Variants in ANKRD17 observed in about 807,000 individuals in gnomAD.
ANKRD17 encodes the protein ankyrin repeat domain 17, also known as ankyrin repeat domain-containing protein 17.
In ANKRD17, 19 loss-of-function variants were observed where a neutral mutation model predicts 229.7. The observed-to-expected ratio is 0.08, with a 90% CI of 0.06 to 0.12. ANKRD17 has a LOEUF of 0.12. ANKRD17 is among the 10% of genes least tolerant of loss of function. The probability of loss-of-function intolerance (pLI) is 1.00; values close to 1 mark genes in which losing one functional copy is unlikely to be tolerated. For missense variants in ANKRD17, 2,176 were observed against 3,176.8 expected (o/e 0.68, Z 7.57); for synonymous variants, 1,112 against 1,146.1 (o/e 0.97, Z 0.60).
chr4:73,090,245 A>T (rs1244030318), intron 29 of ANKRD17, among the ~76,000 whole-genome samples: 1 of 152,102 alleles, frequency 6.6e-6, no homozygotes, highest in East Asian at 1.9e-4. Flanking sequence ...CCCCATCTCT[A>T]CTAAAAATAC....
chr4:73,189,035 C>G (rs1361572166), intron 1 of ANKRD17, among the ~76,000 whole-genome samples: 1 of 152,112 alleles, frequency 6.6e-6, no homozygotes, highest in African/African-American at 2.4e-5. Flanking sequence ...AAATCTAACC[C>G]TTCAAAACGG....
intron 1 of ANKRD17, among the ~76,000 whole-genome samples, chr4:73,226,850 G>A (rs981712233): frequency 7.2e-5 from 11 of 152,092 alleles, no homozygotes; most frequent in African/African-American, 2.7e-4. Flanking sequence ...CAGTAGCTGG[G>A]ACTACAGGCA....
chr4:73,130,245 T>C lies in ANKRD17; in HGVS notation c.3234+4872A>G, dbSNP rs569948262. Among the ~76,000 whole-genome samples, 10 of 152,212 alleles carry C rather than the reference T, an allele frequency of 6.6e-5. No homozygotes were observed. In the South Asian group the frequency reaches 1.9e-3, roughly 28 times the overall value. On this transcript the variant is annotated intron_variant, in intron 16 of 33. Coordinates refer to ENST00000358602, the MANE Select transcript of ANKRD17 (RefSeq NM_032217.5). ...CAAGGTATTCAATAAATGAGAATAATCAGTAAAATAAATAACCTATTAAAA... is the reference window on the plus strand; with the variant it reads ...CAAGGTATTCAATAAATGAGAATAACCAGTAAAATAAATAACCTATTAAAA...
At chr4:73,132,691 T>C (rs1728377229) in intron 16 of ANKRD17, among the ~76,000 whole-genome samples, 1 of 152,156 alleles carries the variant, frequency 6.6e-6, no homozygotes, top group Non-Finnish European at 1.5e-5. Flanking sequence ...TTAAAAATAA[T>C]TTTAATTAAA....
chr4:73,239,277 C>T (rs1206522292), intron 1 of ANKRD17, among the ~76,000 whole-genome samples: 2 of 152,118 alleles, frequency 1.3e-5, no homozygotes, highest in Non-Finnish European at 2.9e-5. Context: ...AATAGATTCC[C>T]ATACCTTTGG....
At chr4:73,168,043 A>T (rs2148947138) in intron 2 of ANKRD17, among the ~76,000 whole-genome samples, 1 of 152,184 alleles carries the variant, frequency 6.6e-6, no homozygotes, top group Non-Finnish European at 1.5e-5. Context: ...TCCCAGCTAC[A>T]GCAGGAGGCT....
intron 26 of ANKRD17, among the ~76,000 whole-genome samples, chr4:73,097,653 G>C (rs971424181): frequency 7.2e-5 from 11 of 151,954 alleles, no homozygotes; most frequent in African/African-American, 2.7e-4. Flanking sequence ...TGTCCAGGCT[G>C]GTGTTGAACT....
intron 1 of ANKRD17, among the ~76,000 whole-genome samples, chr4:73,180,197 A>G (rs1735363257): frequency 6.6e-6 from 1 of 152,148 alleles, no homozygotes; most frequent in Admixed American, 6.5e-5. Flanking sequence ...TGTTCAAAGG[A>G]GACACTGCAT....
chr4:73,097,149 C>T lies in ANKRD17; in HGVS notation c.5145G>A (p.Lys1715=). 6.2e-7 allele frequency: 1 copy of T among 1,608,826 alleles called. No individual in the cohort carries two copies. Among genetic ancestry groups the T allele is most frequent in the South Asian group, 1.1e-5 (1 of 89,492 alleles). Residue 1715 remains lysine (K), a synonymous_variant, in exon 27 of 34, where the codon AAG becomes AAA. Transcript: ENST00000358602. The part of the protein sequence containing the change: ...LTVASPKRGQ[K]REEGWKEVVR... Reference sequence around the variant, plus strand: ...CAACTTCTTTCCATCCTTCTTCCCTCTTTTGCCCACGCTTAGGACTTGCTA... The same window carrying T: ...CAACTTCTTTCCATCCTTCTTCCCTTTTTTGCCCACGCTTAGGACTTGCTA...
chr4:73,181,415 C>T (rs903875828), intron 1 of ANKRD17, among the ~76,000 whole-genome samples: 8 of 152,028 alleles, frequency 5.3e-5, no homozygotes, highest in East Asian at 3.9e-4. Context: ...AAAAGTTCAG[C>T]GAGGAAAAAG....
chr4:73,177,637 ACATAATTAACAAT>A (rs1734912023), intron 1 of ANKRD17, 104 bp from the exon 2 acceptor site: 1 of 819,082 alleles, frequency 1.2e-6, no homozygotes, highest in Non-Finnish European at 1.9e-6. Context: ...AAATATGTTA[ACATAATTAACAAT>A]GGTAAACACA....
intron 1 of ANKRD17, among the ~76,000 whole-genome samples, chr4:73,219,239 G>A (rs181655028): frequency 7.3e-4 from 111 of 152,206 alleles, no homozygotes; most frequent in Non-Finnish European, 3.1e-4. Flanking sequence ...AGTGAAAAAT[G>A]TCACCATGGT....
chr4:73,099,016 A>T (rs1723628192), intron 25 of ANKRD17: 2 of 992,854 alleles, frequency 2.0e-6, no homozygotes, highest in Admixed American at 3.6e-5. Context: ...AGGGAAGCAA[A>T]AACAAGGGAG....
chr4:73,090,740 A>G lies in ANKRD17; in HGVS notation c.6888T>C (p.Pro2296=), dbSNP rs201399763. 7 of 1,614,214 alleles carry G rather than the reference A, an allele frequency of 4.3e-6. No individual in the cohort carries two copies. The highest frequency in any genetic ancestry group is 5.1e-6 in the Non-Finnish European group (6 of 1,180,030). The part of the protein sequence containing the change: ...GKSSYLPNSD[P]LHQSDTSKAP... ...CTTTGGAAGTATCAGACTGATGTAA[A>G]GGATCTGAATTTGGCAAATATGAGG... Residue 2296 remains proline (P), a synonymous_variant, in exon 29 of 34, where the codon CCT becomes CCC. Transcript: ENST00000358602.
chr4:73,083,507 C>A (rs1721779077), intron 30 of ANKRD17, among the ~76,000 whole-genome samples: 1 of 152,168 alleles, frequency 6.6e-6, no homozygotes, highest in South Asian at 2.1e-4. Flanking sequence ...ATTCCTTGAA[C>A]TATTCTTTAA....
At chr4:73,178,851 T>C (rs1166271997) in intron 1 of ANKRD17, among the ~76,000 whole-genome samples, 1 of 152,156 alleles carries the variant, frequency 6.6e-6, no homozygotes, top group Non-Finnish European at 1.5e-5. Flanking sequence ...CTAAAACATA[T>C]TCTTTTCTGC....
chr4:73,258,619 TCTC>T lies in ANKRD17; in HGVS notation c.47_49del (p.Gly16del), dbSNP rs1560800172. The T allele has an allele frequency of 8.1e-6, 12 of 1,482,616 alleles. No homozygotes were observed. The highest frequency in any genetic ancestry group is 2.4e-5 in the Admixed American group (1 of 42,494). The allele number at this position is 1,482,616 out of a possible 1,614,324, so 91.8% of individuals were successfully genotyped here. On this transcript the variant is annotated inframe_deletion, in exon 1 of 34. Transcript: ENST00000358602. ...AGCCGCCACCGCCGGGGGGCTCCCT[TCTC>T]CTTCTGCAGCCGTCGCCGCCGCCAC...
At chr4:73,248,659 C>A (rs556137244) in intron 1 of ANKRD17, among the ~76,000 whole-genome samples, 1 of 151,890 alleles carries the variant, frequency 6.6e-6, no homozygotes, top group Non-Finnish European at 1.5e-5. Flanking sequence ...AAACTGAATT[C>A]TATCATTGTG....
chr4:73,229,777 A>G (rs968194024), intron 1 of ANKRD17, among the ~76,000 whole-genome samples: 20 of 152,120 alleles, frequency 1.3e-4, no homozygotes, highest in Admixed American at 3.3e-4. Context: ...TTAACCTGGT[A>G]GTAAGTTGTG....
Sources: gnomAD v4.1 joint callset for allele counts (sites outside exome capture counted in the v4.1 genomes callset) on GRCh38, gnomAD v4.1.1 for gene constraint, MANE v1.5 for transcripts, NCBI Gene and HGNC (gene_info 2026-07-23, HGNC 2026-07-21) for gene names.